AMMECR1L: variants seen among roughly 807,000 people sequenced by gnomAD.
AMMECR1L encodes the protein AMMECR1 like, also known as AMMECR1-like protein.
In AMMECR1L, 4 loss-of-function variants were observed where a neutral mutation model predicts 36.8. That is an observed-to-expected ratio of 0.11 (90% CI 0.05 to 0.25). The LOEUF (loss-of-function observed/expected upper bound fraction) is 0.25. Among genes scored for constraint, AMMECR1L ranks in the 10% least tolerant of loss-of-function variants. The probability of loss-of-function intolerance (pLI) is 1.00; values close to 1 mark genes in which losing one functional copy is unlikely to be tolerated. For missense variants in AMMECR1L, 232 were observed against 392.1 expected (o/e 0.59, Z 3.45); for synonymous variants, 147 against 148.0 (o/e 0.99, Z 0.05).
chr2:127,881,131 A>G (rs1691482857), intron 2 of AMMECR1L, among the ~76,000 whole-genome samples: 3 of 152,188 alleles, frequency 2.0e-5, no homozygotes, highest in African/African-American at 7.2e-5. Flanking sequence ...GAGGTGGCTC[A>G]AGGCTTTCTT....
At chr2:127,877,056 T>TATAG (rs1405354696) in intron 2 of AMMECR1L, among the ~76,000 whole-genome samples, 52 of 146,986 alleles carry the variant, frequency 3.5e-4, no homozygotes, top group Non-Finnish European at 5.8e-4. Context: ...TATATATATA[T>TATAG]GTACATAAAG....
At position 127,874,238 on chromosome 2, in the gene AMMECR1L, G is replaced by C; in HGVS notation, c.-4C>G. 2 of 1,613,884 alleles carry C rather than the reference G, an allele frequency of 1.2e-6. No homozygotes were observed. The highest frequency in any genetic ancestry group is 1.7e-6 in the Non-Finnish European group (2 of 1,179,986). On this transcript the variant is annotated 5_prime_UTR_variant, in exon 3 of 8. It adds an upstream start codon to the 5' untranslated region. Coordinates refer to ENST00000272647, the MANE Select transcript of AMMECR1L (RefSeq NM_001199140.2). This position sits in a 1 kb window ranked among gnomAD's most constrained non-coding sequence, Gnocchi z 5.2. ...GAACACAACGTCTTTTTCCCATCCT[G>C]ATTCAGTGCTCAAGGTCTGGAATGC... is the stretch of plus-strand genomic sequence containing the variant.
chr2:127,877,902 A>C (rs879375747), intron 2 of AMMECR1L, among the ~76,000 whole-genome samples: 13 of 151,946 alleles, frequency 8.6e-5, no homozygotes, highest in Non-Finnish European at 1.6e-4. Flanking sequence ...TCTCTACATA[A>C]AATAAATTAG....
intron 2 of AMMECR1L, among the ~76,000 whole-genome samples, chr2:127,880,532 C>T (rs2104777647): frequency 6.6e-6 from 1 of 152,218 alleles, no homozygotes; most frequent in Middle Eastern, 3.4e-3. Flanking sequence ...GACGTTCTCT[C>T]TTCTCCACCT....
rs1391084725 is a variant in AMMECR1L, at chr2:127,869,374, G to A, written c.724+80C>T. On this transcript the variant is annotated intron_variant, in intron 6 of 7. Transcript: ENST00000272647. The surrounding 1 kb of genome is among the most constrained non-coding windows in gnomAD (Gnocchi z 4.7). ...CTCAGCTGCAGTTGGGCTGCAAGAT[G>A]ACACACTTCACTTTCTTGCCCTTTA... 1.2e-5 allele frequency: 16 copies of A among 1,352,452 alleles called. No individual in the cohort carries two copies. In the African/African-American group the frequency reaches 1.9e-4, roughly 16 times the overall value. The allele number at this position is 1,352,452 out of a possible 1,614,324, so 83.8% of individuals were successfully genotyped here.
chr2:127,877,345 T>C (rs1209001698), intron 2 of AMMECR1L, among the ~76,000 whole-genome samples: 1 of 151,706 alleles, frequency 6.6e-6, no homozygotes, highest in East Asian at 1.9e-4. Context: ...AATTTTTTTT[T>C]TTTTTTTTGA....
At chr2:127,877,070 T>C (rs1431007679) in intron 2 of AMMECR1L, among the ~76,000 whole-genome samples, 1 of 149,514 alleles carries the variant, frequency 6.7e-6, no homozygotes, top group African/African-American at 2.4e-5. Flanking sequence ...CATAAAGGGC[T>C]TAAAACAGTG....
rs139313532 is a variant in AMMECR1L, at chr2:127,862,865, G to GATAAA, written c.*2224_*2228dup. The GATAAA allele has an allele frequency of 1.7e-3, 254 of 149,740 alleles. No individual in the cohort carries two copies. The highest frequency in any genetic ancestry group is 4.7e-3 in the African/African-American group (189 of 40,478). 9.3% of individuals were successfully genotyped at this position (149,740 alleles called of 1,614,324 possible). A position where few individuals can be genotyped will look rare whatever the true frequency, so the allele number is the denominator to read the frequency against. ...AATGGCAGGTATCGTACCCCCCCTC[G>GATAAA]ATAAAATAAAATAAAATAAAATAAA... On this transcript the variant is annotated 3_prime_UTR_variant, in exon 8 of 8. Transcript: ENST00000272647.
chr2:127,864,359 T>A lies in AMMECR1L; in HGVS notation c.*735A>T, dbSNP rs1199365267. 6.5e-6 allele frequency: 1 copy of A among 152,680 alleles called. No homozygotes were observed. The highest frequency in any genetic ancestry group is 1.5e-5 in the Non-Finnish European group (1 of 68,068). The allele number at this position is 152,680 out of a possible 1,614,324, so 9.5% of individuals were successfully genotyped here. Reference sequence around the variant, plus strand: ...CCATTCCATTCCTCAGCAGGCTACATGACGGAGCTCTGTTCAGTAATCAGG... The same window carrying A: ...CCATTCCATTCCTCAGCAGGCTACAAGACGGAGCTCTGTTCAGTAATCAGG... On this transcript the variant is annotated 3_prime_UTR_variant, in exon 8 of 8. Coordinates refer to ENST00000272647, the MANE Select transcript of AMMECR1L (RefSeq NM_001199140.2).
chr2:127,875,618 CA>C (rs1330364205), intron 2 of AMMECR1L, among the ~76,000 whole-genome samples: 1 of 152,148 alleles, frequency 6.6e-6, no homozygotes, highest in Non-Finnish European at 1.5e-5. Flanking sequence ...AAACATTTTA[CA>C]AGGATTATTT....
At position 127,864,585 on chromosome 2, in the gene AMMECR1L, G is replaced by T. The variant is rs1299057048; in HGVS notation, c.*509C>A. 6.6e-6 allele frequency: 1 copy of T among 152,370 alleles called. No homozygotes were observed. The highest frequency in any genetic ancestry group is 2.4e-5 in the African/African-American group (1 of 41,466). 9.4% of individuals were successfully genotyped at this position (152,370 alleles called of 1,614,324 possible). On this transcript the variant is annotated 3_prime_UTR_variant, in exon 8 of 8. Coordinates refer to ENST00000272647, the MANE Select transcript of AMMECR1L (RefSeq NM_001199140.2). Reference sequence around the variant, plus strand: ...GTGGCGTCCGCTTATGAAGCATGGAGGTTGTAATCAACTCTTGGTACGCAA... The same window carrying T: ...GTGGCGTCCGCTTATGAAGCATGGATGTTGTAATCAACTCTTGGTACGCAA...
At chr2:127,883,822 C>T (rs948552122) in intron 2 of AMMECR1L, among the ~76,000 whole-genome samples, 4 of 152,132 alleles carry the variant, frequency 2.6e-5, no homozygotes, top group Admixed American at 2.6e-4. Flanking sequence ...GAAAAGAGAA[C>T]CAATAATTGA....
chr2:127,873,195 G>GA lies in AMMECR1L; in HGVS notation c.407+632dup. The GA allele has an allele frequency of 1.0e-6, 1 of 985,450 alleles. No homozygotes were observed. Among genetic ancestry groups the GA allele is most frequent in the Non-Finnish European group, 1.2e-6 (1 of 829,936 alleles). 61.0% of individuals were successfully genotyped at this position (985,450 alleles called of 1,614,324 possible). A position where few individuals can be genotyped will look rare whatever the true frequency, so the allele number is the denominator to read the frequency against. On this transcript the variant is annotated intron_variant, in intron 3 of 7. Coordinates refer to ENST00000272647, the MANE Select transcript of AMMECR1L (RefSeq NM_001199140.2). This position sits in a 1 kb window ranked among gnomAD's most constrained non-coding sequence, Gnocchi z 5.2. Reference sequence around the variant, plus strand: ...CAGAGCGGCTTCCAATTCTGAGGAAGAAGAAAATGCTAGCATGGAATTCTT... The same window carrying GA: ...CAGAGCGGCTTCCAATTCTGAGGAAGAAAGAAAATGCTAGCATGGAATTCTT...
At position 127,873,656 on chromosome 2, in the gene AMMECR1L, T is replaced by C. The variant is rs1317088164; in HGVS notation, c.407+172A>G. ...AATGTGAACTGCTCCCTTCCATTAC[T>C]GAATCCACTGAATGTTTTAAATATT... On this transcript the variant is annotated intron_variant, in intron 3 of 7. Transcript: ENST00000272647. This position sits in a 1 kb window ranked among gnomAD's most constrained non-coding sequence, Gnocchi z 5.2. 1.0e-6 allele frequency: 1 copy of C among 985,386 alleles called. No individual in the cohort carries two copies. The highest frequency in any genetic ancestry group is 1.2e-6 in the Non-Finnish European group (1 of 829,948). The allele number at this position is 985,386 out of a possible 1,614,324, so 61.0% of individuals were successfully genotyped here.
At chr2:127,868,464 A>G (rs1690803811) in intron 6 of AMMECR1L, among the ~76,000 whole-genome samples, 1 of 152,222 alleles carries the variant, frequency 6.6e-6, no homozygotes, top group South Asian at 2.1e-4. Flanking sequence ...AAAACCAACC[A>G]GGCAATCGTT....
At chr2:127,866,792 T>C in intron 7 of AMMECR1L, 108 bp downstream of exon 7, 1 of 1,085,622 alleles carries the variant, frequency 9.2e-7, no homozygotes, top group South Asian at 1.4e-5. Context: ...CACACTTCTT[T>C]GATTTAGGGA....
rs542637061 is a variant in AMMECR1L at position 127,874,642 on chromosome 2, C to A, written c.-38-370G>T. 2.6e-5 allele frequency among the ~76,000 whole-genome samples: 4 copies of A among 152,276 alleles called. No individual in the cohort carries two copies. In the South Asian group the frequency reaches 8.3e-4, roughly 32 times the overall value. Reference sequence around the variant, plus strand: ...AGACTCATCATCATGATGTCTCTACCTTTTTTAGAGGCTCCAAATTGAACC... The same window carrying A: ...AGACTCATCATCATGATGTCTCTACATTTTTTAGAGGCTCCAAATTGAACC... On this transcript the variant is annotated intron_variant, in intron 2 of 7. Coordinates refer to ENST00000272647, the MANE Select transcript of AMMECR1L (RefSeq NM_001199140.2). This position sits in a 1 kb window ranked among gnomAD's most constrained non-coding sequence, Gnocchi z 5.2.
chr2:127,875,410 A>G (rs1265165064), intron 2 of AMMECR1L, among the ~76,000 whole-genome samples: 1 of 152,090 alleles, frequency 6.6e-6, no homozygotes, highest in Non-Finnish European at 1.5e-5. Flanking sequence ...GGAGAGAGAG[A>G]AGAGAGATTT....
In AMMECR1L at chr2:127,873,364, G is replaced by A; in HGVS notation, c.407+464C>T. ...GTGAGTGGCCCTACAGGTTTACCAA[G>A]GGATTTCTCATGAACAAAGTGAGGG... is the stretch of plus-strand genomic sequence containing the variant. On this transcript the variant is annotated intron_variant, in intron 3 of 7. Transcript: ENST00000272647. This position sits in a 1 kb window ranked among gnomAD's most constrained non-coding sequence, Gnocchi z 5.2. 3.0e-6 allele frequency: 3 copies of A among 985,410 alleles called. No individual in the cohort carries two copies. The highest frequency in any genetic ancestry group is 6.1e-5 in the Admixed American group (1 of 16,280). 61.0% of individuals were successfully genotyped at this position (985,410 alleles called of 1,614,324 possible).
Sources: allele counts gnomAD v4.1 joint callset (sites outside exome capture counted in the v4.1 genomes callset), GRCh38; gene constraint gnomAD v4.1.1; non-coding constraint Gnocchi (gnomAD v3.1); transcripts MANE v1.5; gene names NCBI Gene and HGNC (gene_info 2026-07-23, HGNC 2026-07-21).